The following PPP1R21 variants were observed in gnomAD, a reference collection of about 807,000 sequenced individuals.
PPP1R21 encodes protein phosphatase 1 regulatory subunit 21, also known as KLRAQ motif containing 1.
Under a neutral mutation model 112.8 loss-of-function variants are expected in PPP1R21, and 85 were observed. The ratio of observed to expected loss-of-function variants is 0.75; its 90% CI spans 0.63 to 0.90. The LOEUF (loss-of-function observed/expected upper bound fraction) is 0.90. Ranked by LOEUF, PPP1R21 falls within the 40% of genes least tolerant of loss-of-function variation. The pLI, the probability that PPP1R21 is intolerant of heterozygous loss-of-function variation, is 0.00. For missense variants in PPP1R21, 1,199 were observed against 901.5 expected, an observed-to-expected ratio of 1.33 and a Z score of -4.23; for synonymous variants, 381 against 322.3, an observed-to-expected ratio of 1.18 and a Z score of -1.95.
Position 48,495,723 on chromosome 2 carries a change from C to G in PPP1R21, c.1644C>G (p.Arg548=). Residue 548 remains arginine (R), a synonymous_variant, in exon 16 of 22, where the codon CGC becomes CGG. Transcript: ENST00000294952. ...CTTATGAAGAAGCACTGGCAAACCG[C>G]CGCATCCTTCTCAGCTCTACTGAAA... ...SVPYEEALAN[R]RILLSSTESR... is the part of the protein sequence containing the mutation. 6.2e-7 allele frequency: 1 copy of G among 1,612,762 alleles called. No homozygotes were observed. The highest frequency in any genetic ancestry group is 8.5e-7 in the Non-Finnish European group (1 of 1,178,740).
intron 21 of PPP1R21, among the ~76,000 whole-genome samples, chr2:48,513,897 T>G (rs985971198): frequency 1.3e-5 from 2 of 152,162 alleles, no homozygotes; most frequent in African/African-American, 2.4e-5. Flanking sequence ...CAAATCTCCG[T>G]ATTTGAGGAA....
chr2:48,468,694 A>G (rs993579375), intron 9 of PPP1R21, among the ~76,000 whole-genome samples: 2 of 151,902 alleles, frequency 1.3e-5, no homozygotes, highest in Non-Finnish European at 2.9e-5. Context: ...TTGTACCTGT[A>G]GTCCCAGCTA....
At chr2:48,465,700 T>G in intron 9 of PPP1R21, 58 bp downstream of exon 9, 2 of 1,517,656 alleles carry the variant, frequency 1.3e-6, no homozygotes, top group Non-Finnish European at 1.8e-6. Flanking sequence ...AGATATTGTT[T>G]GTTTTTAGAC....
intron 17 of PPP1R21, among the ~76,000 whole-genome samples, chr2:48,501,313 A>G (rs182582380): frequency 7.9e-5 from 12 of 152,262 alleles, no homozygotes; most frequent in African/African-American, 1.4e-4. Context: ...CCCCAGCTCC[A>G]TTGCCTGTAT....
chr2:48,495,308 A>C (rs764827681), intron 15 of PPP1R21, among the ~76,000 whole-genome samples: 1 of 151,928 alleles, frequency 6.6e-6, no homozygotes, highest in Non-Finnish European at 1.5e-5. Flanking sequence ...GGTTCAAGTG[A>C]TTCTCGTGCC....
At chr2:48,441,874 A>G (rs1667045810) in intron 1 of PPP1R21, among the ~76,000 whole-genome samples, 1 of 152,256 alleles carries the variant, frequency 6.6e-6, no homozygotes, top group South Asian at 2.1e-4. Flanking sequence ...TCATGGAGTC[A>G]GTGGGAAGAT....
intron 20 of PPP1R21, among the ~76,000 whole-genome samples, chr2:48,510,375 T>C (rs1670583304): frequency 6.6e-6 from 1 of 152,250 alleles, no homozygotes; most frequent in Non-Finnish European, 1.5e-5. Context: ...AGAATTTTTC[T>C]TTCCCCTTCC....
intron 17 of PPP1R21, chr2:48,501,931 G>T (rs1670134963): frequency 6.6e-6 from 1 of 152,092 alleles, no homozygotes; most frequent in South Asian, 2.1e-4. Context: ...TTAAAACGTG[G>T]AATGCTTCAT....
rs778549403 is a variant in PPP1R21, at chr2:48,479,923, G to C, written c.1226-1G>C. ...TTAGATTTGTGATTTTGATTTCCTAGGTACAGAGCCAGATGGACTCCTTCG... is the reference window on the plus strand; with the variant it reads ...TTAGATTTGTGATTTTGATTTCCTACGTACAGAGCCAGATGGACTCCTTCG... On this transcript the variant is annotated splice_acceptor_variant, in intron 12 of 21. Coordinates refer to ENST00000294952, the MANE Select transcript of PPP1R21 (RefSeq NM_001135629.3). LOFTEE classifies it high-confidence loss of function. 1.3e-5 allele frequency: 20 copies of C among 1,592,810 alleles called. No individual in the cohort carries two copies. Among genetic ancestry groups the C allele is most frequent in the Non-Finnish European group, 1.7e-5 (20 of 1,160,818 alleles).
intron 13 of PPP1R21, among the ~76,000 whole-genome samples, chr2:48,484,117 T>C (rs1476353318): frequency 1.3e-5 from 2 of 152,234 alleles, no homozygotes; most frequent in African/African-American, 4.8e-5. Flanking sequence ...AGAACACGCA[T>C]ACTTTTTCCC....
rs1668671698 is a variant in PPP1R21 at position 48,474,683 on chromosome 2, T to C, written c.1089T>C (p.Ser363=). Residue 363 remains serine, a splice_region_variant and synonymous_variant, in exon 12 of 22, where the codon AGT becomes AGC. Transcript: ENST00000294952. ...LRKILPYQLK[S]LEEECESSLC... ...TTCTTAAAAATCTGCCTATTCCTAG[T>C]TTAGAAGAAGAATGTGAATCCTCTC... The C allele has an allele frequency of 6.2e-7, 1 of 1,603,240 alleles. No homozygotes were observed. Among genetic ancestry groups the C allele is most frequent in the Middle Eastern group, 1.7e-4 (1 of 6,012 alleles).
At chr2:48,508,183 G>A (rs1330266478) in intron 19 of PPP1R21, among the ~76,000 whole-genome samples, 1 of 152,118 alleles carries the variant, frequency 6.6e-6, no homozygotes, top group South Asian at 2.1e-4. Context: ...AGATACCAAG[G>A]AGTAGGAAAC....
At chr2:48,500,081 C>T (rs1307726205) in intron 17 of PPP1R21, among the ~76,000 whole-genome samples, 1 of 152,126 alleles carries the variant, frequency 6.6e-6, no homozygotes, top group Non-Finnish European at 1.5e-5. Flanking sequence ...CATGGTTCTT[C>T]CACCTCATTC....
chr2:48,481,347 A>G (rs2103896388), intron 13 of PPP1R21, among the ~76,000 whole-genome samples: 1 of 152,372 alleles, frequency 6.6e-6, no homozygotes, highest in African/African-American at 2.4e-5. Context: ...GGTTTCAGAA[A>G]TCACAACTTG....
chr2:48,475,190 A>G (rs1451592987), intron 12 of PPP1R21, among the ~76,000 whole-genome samples: 2 of 151,670 alleles, frequency 1.3e-5, no homozygotes, highest in Admixed American at 6.6e-5. Flanking sequence ...CCATCTCTAC[A>G]AAAAATTTAA....
chr2:48,509,072 C>A (rs1323985245), intron 19 of PPP1R21, among the ~76,000 whole-genome samples: 2 of 152,122 alleles, frequency 1.3e-5, no homozygotes, highest in Admixed American at 1.3e-4. Context: ...TAATTTCATA[C>A]CCTCTTTGAA....
At chr2:48,477,212 C>G (rs1004435095) in intron 12 of PPP1R21, among the ~76,000 whole-genome samples, 8 of 150,936 alleles carry the variant, frequency 5.3e-5, no homozygotes, top group Non-Finnish European at 8.8e-5. Flanking sequence ...AACTGCCTCC[C>G]GGATTTAAGT....
chr2:48,498,353 TC>T, intron 16 of PPP1R21, 139 bp from the exon 17 acceptor site: 1 of 726,850 alleles, frequency 1.4e-6, no homozygotes, highest in Non-Finnish European at 2.2e-6. Context: ...ATAAATCTCT[TC>T]CTATTCGAGG....
intron 12 of PPP1R21, among the ~76,000 whole-genome samples, chr2:48,477,851 T>C (rs973203140): frequency 2.4e-4 from 36 of 152,316 alleles, no homozygotes; most frequent in Admixed American, 2.4e-3. Flanking sequence ...CAAAATAATA[T>C]GTGAAATTCT....
Sources: gnomAD v4.1 joint callset for allele counts (sites outside exome capture counted in the v4.1 genomes callset) on GRCh38, gnomAD v4.1.1 for gene constraint, MANE v1.5 for transcripts, NCBI Gene and HGNC (gene_info 2026-07-23, HGNC 2026-07-21) for gene names.